FRMD4A: variants seen among roughly 807,000 people sequenced by gnomAD.
The protein encoded by FRMD4A is FERM domain-containing protein 4A.
A neutral mutation model predicts 129.1 loss-of-function variants in FRMD4A; 29 were observed. The observed-to-expected ratio is 0.22, with a 90% CI of 0.17 to 0.31. The LOEUF (loss-of-function observed/expected upper bound fraction) is 0.31. FRMD4A is among the 10% of genes least tolerant of loss of function. The probability of loss-of-function intolerance (pLI) is 1.00; values close to 1 mark genes in which losing one functional copy is unlikely to be tolerated. For synonymous variants in FRMD4A, 634 were observed against 571.6 expected (o/e 1.11, Z -1.56); for missense variants, 1,272 against 1,375.8 (o/e 0.92, Z 1.19).
intron 5 of FRMD4A, among the ~76,000 whole-genome samples, chr10:13,794,235 T>C (rs1233585357): frequency 1.3e-5 from 2 of 151,592 alleles, no homozygotes; most frequent in Non-Finnish European, 2.9e-5. Flanking sequence ...CTACTAAAAA[T>C]ACAAAAATTA....
chr10:14,328,278 G>A (rs1371946214), intron 2 of FRMD4A, among the ~76,000 whole-genome samples: 2 of 148,976 alleles, frequency 1.3e-5, no homozygotes, highest in Non-Finnish European at 3.0e-5. Context: ...CTGACAAATG[G>A]AAGGTGAAGT....
At chr10:14,250,393 G>A (rs142987760) in intron 2 of FRMD4A, among the ~76,000 whole-genome samples, 37 of 152,310 alleles carry the variant, frequency 2.4e-4, no homozygotes, top group African/African-American at 5.3e-4. Flanking sequence ...TGAAAATGGC[G>A]TCTTGTTTTA....
chr10:14,300,569 T>C (rs2132089002), intron 2 of FRMD4A, among the ~76,000 whole-genome samples: 1 of 152,350 alleles, frequency 6.6e-6, no homozygotes, highest in Non-Finnish European at 1.5e-5. Context: ...GGGTCTGTAG[T>C]GGCAACCAAG....
rs117200599 is a variant in FRMD4A, at chr10:14,021,680, C to T, written c.46-162768G>A. Among the ~76,000 whole-genome samples the T allele has an allele frequency of 9.6e-3, 1,456 of 152,182 alleles. 12 individuals are homozygous for T. The highest frequency in any genetic ancestry group is 0.016 in the Non-Finnish European group (1,058 of 68,010). On this transcript the variant is annotated intron_variant, in intron 2 of 24. Transcript: ENST00000357447. ...GGGATACTCAGAGACTCCTGGAGTC[C>T]TCACTCACAATATTTCATTTTTAAT... is the stretch of plus-strand genomic sequence containing the variant.
chr10:14,128,046 C>CTT (rs1839006703), intron 2 of FRMD4A, among the ~76,000 whole-genome samples: 1 of 77,970 alleles, frequency 1.3e-5, no homozygotes, highest in Non-Finnish European at 2.4e-5. Flanking sequence ...CTTTCTTTCC[C>CTT]TCTTTCTTTC....
intron 2 of FRMD4A, among the ~76,000 whole-genome samples, chr10:14,315,914 G>T (rs1442857127): frequency 6.6e-6 from 1 of 152,196 alleles, no homozygotes; most frequent in African/African-American, 2.4e-5. Context: ...AAGAATCAAT[G>T]GTGGATGACA....
chr10:14,295,225 C>G (rs1245128799), intron 2 of FRMD4A, among the ~76,000 whole-genome samples: 1 of 152,116 alleles, frequency 6.6e-6, no homozygotes, highest in Non-Finnish European at 1.5e-5. Context: ...CATGGGAAAG[C>G]CACCTCCTGA....
chr10:14,180,125 T>A (rs147358262), intron 2 of FRMD4A, among the ~76,000 whole-genome samples: 4 of 152,184 alleles, frequency 2.6e-5, no homozygotes, highest in Non-Finnish European at 5.9e-5. Context: ...CAGGTATTCA[T>A]TTTCATTTTA....
chr10:13,684,828 A>AACT, intron 15 of FRMD4A: 1 of 985,016 alleles, frequency 1.0e-6, no homozygotes, highest in South Asian at 4.7e-5. Flanking sequence ...GTTGTTCTAG[A>AACT]ACTAAAGAAG....
chr10:13,781,767 T>A (rs893783572), intron 6 of FRMD4A, among the ~76,000 whole-genome samples: 8 of 152,044 alleles, frequency 5.3e-5, no homozygotes, highest in African/African-American at 1.9e-4. Flanking sequence ...TATGAAGTAC[T>A]AGAGTGGTTA....
At chr10:13,914,633 T>C (rs979528313) in intron 2 of FRMD4A, among the ~76,000 whole-genome samples, 2 of 152,134 alleles carry the variant, frequency 1.3e-5, no homozygotes, top group Non-Finnish European at 1.5e-5. Context: ...GAGAGACTGA[T>C]GGATTTAACA....
chr10:14,326,630 A>G (rs1350116539), intron 2 of FRMD4A: 1 of 392,396 alleles, frequency 2.5e-6, no homozygotes, highest in Non-Finnish European at 4.5e-6. Flanking sequence ...TTTATAATCT[A>G]AGAACCGAAA....
intron 2 of FRMD4A, among the ~76,000 whole-genome samples, chr10:14,267,343 A>G (rs1398518585): frequency 5.3e-5 from 8 of 152,216 alleles, no homozygotes; most frequent in Admixed American, 5.2e-4. Context: ...GGATGTCTTC[A>G]TATATCTTCT....
intron 3 of FRMD4A, among the ~76,000 whole-genome samples, chr10:13,824,152 T>G (rs554695129): frequency 1.2e-4 from 18 of 152,102 alleles, no homozygotes; most frequent in Non-Finnish European, 2.4e-4. Context: ...CATCTGTATA[T>G]TCAACCAACC....
At chr10:13,713,978 G>GTAATATACATATA (rs1554858734) in intron 12 of FRMD4A, among the ~76,000 whole-genome samples, 3 of 15,788 alleles carry the variant, frequency 1.9e-4, no homozygotes, top group Non-Finnish European at 2.8e-4. Flanking sequence ...ATACATATAT[G>GTAATATACATATA]TAATATACAT....
intron 2 of FRMD4A, among the ~76,000 whole-genome samples, chr10:14,081,461 T>C (rs944086304): frequency 1.3e-5 from 2 of 152,138 alleles, no homozygotes; most frequent in Non-Finnish European, 2.9e-5. Flanking sequence ...TCCTGTGCAG[T>C]GGCAGAATTG....
At chr10:14,185,570 C>G (rs78709468) in intron 2 of FRMD4A, among the ~76,000 whole-genome samples, 23 of 152,198 alleles carry the variant, frequency 1.5e-4, no homozygotes, top group African/African-American at 4.6e-4. Context: ...TTTAAAGGTT[C>G]AATCTCGTCT....
chr10:14,047,798 G>T lies in FRMD4A; in HGVS notation c.46-188886C>A, dbSNP rs906028846. Among the ~76,000 whole-genome samples the T allele has an allele frequency of 1.3e-4, 20 of 152,174 alleles. 1 individual carries two copies. The highest frequency in any genetic ancestry group is 1.3e-3 in the Admixed American group (20 of 15,282). Reference sequence around the variant, plus strand: ...TTTTAACCCCAGTGAGTGGCAAAGCGGTGACTTGGAATAGGAGGAGGCCCT... The same window carrying T: ...TTTTAACCCCAGTGAGTGGCAAAGCTGTGACTTGGAATAGGAGGAGGCCCT... On this transcript the variant is annotated intron_variant, in intron 2 of 24. Coordinates refer to ENST00000357447, the MANE Select transcript of FRMD4A (RefSeq NM_018027.5).
intron 2 of FRMD4A, among the ~76,000 whole-genome samples, chr10:14,131,559 G>A (rs1322209440): frequency 6.6e-6 from 1 of 152,170 alleles, no homozygotes; most frequent in South Asian, 2.1e-4. Flanking sequence ...TTAAGTGCCT[G>A]TGGCTCCATG....
Sources: gnomAD v4.1 joint callset for allele counts (sites outside exome capture counted in the v4.1 genomes callset) on GRCh38, gnomAD v4.1.1 for gene constraint, MANE v1.5 for transcripts, NCBI Gene and HGNC (gene_info 2026-07-23, HGNC 2026-07-21) for gene names.